MACROD2: variants seen among roughly 807,000 people sequenced by gnomAD.
The protein encoded by MACROD2 is ADP-ribose glycohydrolase MACROD2.
A neutral mutation model predicts 70.4 loss-of-function variants in MACROD2; 36 were observed. The observed-to-expected ratio is 0.51, with a 90% CI of 0.39 to 0.68. The LOEUF (loss-of-function observed/expected upper bound fraction) is 0.68. Among genes scored for constraint, MACROD2 ranks in the 30% least tolerant of loss-of-function variants. MACROD2 has a pLI of 0.00. For synonymous variants in MACROD2, 172 were observed against 178.8 expected, an observed-to-expected ratio of 0.96 and a Z score of 0.30; for missense variants, 496 against 538.4, an observed-to-expected ratio of 0.92 and a Z score of 0.78.
rs16996757 is a variant in MACROD2 at position 15,901,764 on chromosome 20, G to A, written c.775+15953G>A. On this transcript the variant is annotated intron_variant, in intron 10 of 17. Coordinates refer to ENST00000684519, the MANE Select transcript of MACROD2 (RefSeq NM_001351661.2). ...TTAACTGTCTCTAAAACTTTAAGGAGGGTACCAGATTAGGTCAGGGGCATG... is the reference window on the plus strand; with the variant it reads ...TTAACTGTCTCTAAAACTTTAAGGAAGGTACCAGATTAGGTCAGGGGCATG... Among the ~76,000 whole-genome samples, 1,214 of 152,266 alleles carry A rather than the reference G, an allele frequency of 8.0e-3. 10 individuals carry two copies. The highest frequency in any genetic ancestry group is 0.023 in the South Asian group (112 of 4,822).
At chr20:14,767,944 C>G (rs2072113260) in intron 5 of MACROD2, among the ~76,000 whole-genome samples, 1 of 152,008 alleles carries the variant, frequency 6.6e-6, no homozygotes, top group Non-Finnish European at 1.5e-5. Flanking sequence ...CCAGCATCAT[C>G]CATGTCCCTG....
At chr20:15,943,072 T>C (rs1048058646) in intron 12 of MACROD2, among the ~76,000 whole-genome samples, 4 of 152,114 alleles carry the variant, frequency 2.6e-5, no homozygotes, top group African/African-American at 9.7e-5. Context: ...GTTTCAGACC[T>C]CTTAGAAGTC....
At chr20:16,044,807 C>G (rs1400702617) in intron 17 of MACROD2, among the ~76,000 whole-genome samples, 168 bp downstream of exon 17, 7 of 152,050 alleles carry the variant, frequency 4.6e-5, no homozygotes, top group Non-Finnish European at 2.9e-5. Context: ...AAACGATCAC[C>G]CCTAGAAGCT....
At chr20:14,963,095 A>G (rs1452267210) in intron 5 of MACROD2, among the ~76,000 whole-genome samples, 1 of 152,116 alleles carries the variant, frequency 6.6e-6, no homozygotes, top group African/African-American at 2.4e-5. Flanking sequence ...ACTGTACCAT[A>G]CTTTTTTTCA....
At chr20:14,407,363 C>G (rs894825364) in intron 3 of MACROD2, among the ~76,000 whole-genome samples, 1 of 151,996 alleles carries the variant, frequency 6.6e-6, no homozygotes, top group African/African-American at 2.4e-5. Flanking sequence ...CTGATGGTGA[C>G]TCTGTTTTCT....
chr20:14,410,563 G>A (rs1189526302), intron 3 of MACROD2, among the ~76,000 whole-genome samples: 1 of 152,088 alleles, frequency 6.6e-6, no homozygotes, highest in African/African-American at 2.4e-5. Flanking sequence ...CAGTGGACAT[G>A]ATTTCATTGT....
chr20:15,674,850 A>G (rs1425736317), intron 8 of MACROD2, among the ~76,000 whole-genome samples: 2 of 152,132 alleles, frequency 1.3e-5, no homozygotes, highest in African/African-American at 4.8e-5. Flanking sequence ...TTTCTCCTAA[A>G]GAGATGAGAA....
At chr20:14,950,341 C>T (rs1057356160) in intron 5 of MACROD2, among the ~76,000 whole-genome samples, 2 of 152,102 alleles carry the variant, frequency 1.3e-5, no homozygotes, top group African/African-American at 4.8e-5. Flanking sequence ...GACTCTTCCA[C>T]AGATCTCTTC....
chr20:15,194,824 T>C (rs1394862264), intron 5 of MACROD2, among the ~76,000 whole-genome samples: 7 of 152,324 alleles, frequency 4.6e-5, no homozygotes, highest in African/African-American at 1.7e-4. Flanking sequence ...CCAGAGTTAC[T>C]GTTTGCATTT....
intron 5 of MACROD2, among the ~76,000 whole-genome samples, chr20:15,129,389 CGGAAA>C (rs1568589447): frequency 6.6e-6 from 1 of 151,946 alleles, no homozygotes; most frequent in African/African-American, 2.4e-5. Context: ...CTGGAACTAA[CGGAAA>C]GGAATTTTAT....
chr20:16,031,513 A>G (rs1446729139), intron 15 of MACROD2, among the ~76,000 whole-genome samples: 2 of 152,170 alleles, frequency 1.3e-5, no homozygotes, highest in Non-Finnish European at 2.9e-5. Flanking sequence ...TTTCCAAAAT[A>G]TAAGTGCAAG....
intron 3 of MACROD2, among the ~76,000 whole-genome samples, chr20:14,173,429 G>T (rs2081239221): frequency 1.3e-5 from 2 of 151,850 alleles, no homozygotes; most frequent in Admixed American, 1.3e-4. Flanking sequence ...GGTGTGTTTT[G>T]CATTTCTCTA....
At chr20:14,586,851 T>A (rs1981415101) in intron 4 of MACROD2, among the ~76,000 whole-genome samples, 1 of 152,016 alleles carries the variant, frequency 6.6e-6, no homozygotes, top group South Asian at 2.1e-4. Flanking sequence ...TTCAAATTAT[T>A]TTAGTTACTA....
rs141012664 is a variant in MACROD2 at position 15,040,447 on chromosome 20, C to A, written c.419-189493C>A. On this transcript the variant is annotated intron_variant, in intron 5 of 17. Transcript: ENST00000684519. ...TGGTTTACTCTCTCTCCATTCCCCA[C>A]CCTGTTTCCTAATGTTCTTTAGCCA... Among the ~76,000 whole-genome samples the A allele has an allele frequency of 1.4e-4, 22 of 152,312 alleles. No individual in the cohort carries two copies. In the East Asian group the frequency reaches 3.9e-3, roughly 27 times the overall value.
At chr20:14,906,293 A>G (rs1390818709) in intron 5 of MACROD2, among the ~76,000 whole-genome samples, 1 of 152,190 alleles carries the variant, frequency 6.6e-6, no homozygotes, top group East Asian at 1.9e-4. Flanking sequence ...CAGGGGTTCA[A>G]GACCAGCCTG....
intron 5 of MACROD2, among the ~76,000 whole-genome samples, chr20:14,876,729 C>T (rs1180846204): frequency 6.6e-6 from 1 of 152,114 alleles, no homozygotes; most frequent in African/African-American, 2.4e-5. Context: ...GGAATCCTTT[C>T]TCTTAATGGT....
intron 3 of MACROD2, among the ~76,000 whole-genome samples, chr20:14,213,932 A>G (rs2081592204): frequency 6.6e-6 from 1 of 152,098 alleles, no homozygotes; most frequent in Non-Finnish European, 1.5e-5. Flanking sequence ...ATTTAATGGG[A>G]ATATGATTAT....
At chr20:15,434,862 C>T (rs913534237) in intron 7 of MACROD2, among the ~76,000 whole-genome samples, 1 of 152,086 alleles carries the variant, frequency 6.6e-6, no homozygotes, top group Non-Finnish European at 1.5e-5. Flanking sequence ...GAAATAATGT[C>T]TTTTGCAGCA....
chr20:14,477,997 C>T lies in MACROD2; in HGVS notation c.272-15482C>T, dbSNP rs1449856357. 3.3e-5 allele frequency among the ~76,000 whole-genome samples: 5 copies of T among 152,244 alleles called. No individual in the cohort carries two copies. The East Asian group carries it at 9.7e-4, about 29-fold the overall frequency. ...GCTTTTTCCTGCTATTACCCACTCC[C>T]ATGATTATGGTTGAAGGGTAGGTAC... On this transcript the variant is annotated intron_variant, in intron 3 of 17. Coordinates refer to ENST00000684519, the MANE Select transcript of MACROD2 (RefSeq NM_001351661.2).
Sources: allele counts gnomAD v4.1 joint callset (sites outside exome capture counted in the v4.1 genomes callset), GRCh38; gene constraint gnomAD v4.1.1; transcripts MANE v1.5; gene names NCBI Gene and HGNC (gene_info 2026-07-23, HGNC 2026-07-21).